EXOC6B: variants seen among roughly 807,000 people sequenced by gnomAD.
EXOC6B encodes exocyst complex component 6B.
Under a neutral mutation model 113.5 loss-of-function variants are expected in EXOC6B, and 54 were observed. That is an observed-to-expected ratio of 0.48 (90% CI 0.38 to 0.60). The LOEUF (loss-of-function observed/expected upper bound fraction) is 0.60, where lower values mean the gene tolerates loss of function less well. EXOC6B is among the 20% of genes least tolerant of loss of function. The pLI is 0.00. For missense variants in EXOC6B, 797 were observed against 977.5 expected (o/e 0.82, Z 2.46); for synonymous variants, 357 against 339.0 (o/e 1.05, Z -0.58).
At chr2:72,768,611 T>A (rs1182561011) in intron 1 of EXOC6B, among the ~76,000 whole-genome samples, 2 of 36,898 alleles carry the variant, frequency 5.4e-5, no homozygotes, top group South Asian at 0.016. Context: ...GGCCTAAGCT[T>A]TTTTTTTTTT....
chr2:72,575,717 G>A (rs905022299), intron 6 of EXOC6B, 49 bp from the exon 7 acceptor site: 5 of 1,403,636 alleles, frequency 3.6e-6, no homozygotes, highest in Non-Finnish European at 4.7e-6. Flanking sequence ...GTGGGGTTAG[G>A]GAGAGAGAAA....
At chr2:72,645,252 T>C (rs1673614729) in intron 6 of EXOC6B, among the ~76,000 whole-genome samples, 1 of 152,168 alleles carries the variant, frequency 6.6e-6, no homozygotes, top group Admixed American at 6.5e-5. Context: ...ATGCTAAATA[T>C]ATATGCACCC....
chr2:72,177,362 T>A lies in EXOC6B; in HGVS notation c.*1973A>T, dbSNP rs1309940983. 2.0e-5 allele frequency: 3 copies of A among 152,244 alleles called. No individual in the cohort carries two copies. The highest frequency in any genetic ancestry group is 4.4e-5 in the Non-Finnish European group (3 of 68,050). 9.4% of individuals were successfully genotyped at this position (152,244 alleles called of 1,614,324 possible). A position where few individuals can be genotyped will look rare whatever the true frequency, so the allele number is the denominator to read the frequency against. On this transcript the variant is annotated 3_prime_UTR_variant, in exon 22 of 22. Coordinates refer to ENST00000272427, the MANE Select transcript of EXOC6B (RefSeq NM_015189.3). The stretch of plus-strand genomic sequence containing the variant: ...CTCTCAGCACTTAAAGCTGAAGAGA[T>A]CTTGCTGCAAACTGGGTACTAGCAA...
intron 6 of EXOC6B, among the ~76,000 whole-genome samples, chr2:72,596,563 T>C (rs1333552019): frequency 6.6e-6 from 1 of 150,918 alleles, no homozygotes; most frequent in African/African-American, 2.4e-5. Context: ...CTTTCTTACA[T>C]AAAGGAAGAA....
At chr2:72,213,268 A>T (rs556366161) in intron 20 of EXOC6B, among the ~76,000 whole-genome samples, 62 of 152,376 alleles carry the variant, frequency 4.1e-4, no homozygotes, top group Admixed American at 1.2e-3. Flanking sequence ...ATGCTAGCTA[A>T]TACCACGTAA....
intron 6 of EXOC6B, among the ~76,000 whole-genome samples, chr2:72,699,250 C>A (rs556728171): frequency 6.6e-6 from 1 of 152,038 alleles, no homozygotes; most frequent in Non-Finnish European, 1.5e-5. Flanking sequence ...GAAGCCAAGG[C>A]GGGTGGATCA....
chr2:72,390,749 C>T (rs983592117), intron 18 of EXOC6B, among the ~76,000 whole-genome samples: 1 of 152,120 alleles, frequency 6.6e-6, no homozygotes, highest in Non-Finnish European at 1.5e-5. Flanking sequence ...TTCAGTGGGG[C>T]CTTCACCTTC....
intron 20 of EXOC6B, among the ~76,000 whole-genome samples, chr2:72,314,846 A>G (rs921752171): frequency 6.6e-6 from 1 of 152,180 alleles, no homozygotes; most frequent in Non-Finnish European, 1.5e-5. Flanking sequence ...TTTTCCTTCA[A>G]CAAATCCTTA....
At position 72,344,505 on chromosome 2, in the gene EXOC6B, C is replaced by T. The variant is rs551391747; in HGVS notation, c.2123-9485G>A. Reference sequence around the variant, plus strand: ...CTTTCCTGTTTCTTTGTATTCCTTGCGATTTTTAATTGAAAACTGGACATT... The same window carrying T: ...CTTTCCTGTTTCTTTGTATTCCTTGTGATTTTTAATTGAAAACTGGACATT... On this transcript the variant is annotated intron_variant, in intron 19 of 21. Transcript: ENST00000272427. 1.6e-4 allele frequency among the ~76,000 whole-genome samples: 25 copies of T among 151,722 alleles called. No homozygotes were observed. The East Asian group carries it at 2.9e-3, about 18-fold the overall frequency.
intron 8 of EXOC6B, among the ~76,000 whole-genome samples, chr2:72,536,680 T>A (rs1702309074): frequency 6.6e-6 from 1 of 152,178 alleles, no homozygotes; most frequent in Non-Finnish European, 1.5e-5. Flanking sequence ...CTCATAAACT[T>A]TTCCTTGTAG....
chr2:72,482,269 A>T (rs570841208), intron 16 of EXOC6B, among the ~76,000 whole-genome samples: 2 of 152,354 alleles, frequency 1.3e-5, no homozygotes, highest in East Asian at 3.9e-4. Flanking sequence ...TCTATTACTT[A>T]TTTCTTAACT....
At chr2:72,400,766 C>A (rs530751478) in intron 18 of EXOC6B, among the ~76,000 whole-genome samples, 1 of 150,212 alleles carries the variant, frequency 6.7e-6, no homozygotes, top group Non-Finnish European at 1.5e-5. Flanking sequence ...GTCAAAATAA[C>A]TATTATTAAA....
At chr2:72,334,516 A>G (rs1688580227) in intron 20 of EXOC6B, among the ~76,000 whole-genome samples, 1 of 152,134 alleles carries the variant, frequency 6.6e-6, no homozygotes, top group Non-Finnish European at 1.5e-5. Context: ...ACAATCCAGA[A>G]TGTAAAATAT....
Position 72,383,189 on chromosome 2 carries a change from C to T in EXOC6B, c.1981-3319G>A, listed in dbSNP as rs567165782. Among the ~76,000 whole-genome samples the T allele has an allele frequency of 4.6e-5, 7 of 152,218 alleles. No homozygotes were observed. In the South Asian group the frequency reaches 1.5e-3, roughly 32 times the overall value. On this transcript the variant is annotated intron_variant, in intron 18 of 21. Transcript: ENST00000272427. Reference sequence around the variant, plus strand: ...GCTTCTGCACAGCAAAATAAACTATCAACAGAGAAAACAGAAAACCTACAG... The same window carrying T: ...GCTTCTGCACAGCAAAATAAACTATTAACAGAGAAAACAGAAAACCTACAG...
intron 7 of EXOC6B, among the ~76,000 whole-genome samples, chr2:72,569,826 T>A (rs1704413709): frequency 6.6e-6 from 1 of 152,308 alleles, no homozygotes; most frequent in African/African-American, 2.4e-5. Context: ...AACCACTATT[T>A]TTTTACAAGC....
At position 72,342,716 on chromosome 2, in the gene EXOC6B, T is replaced by C. The variant is rs191041805; in HGVS notation, c.2123-7696A>G. Among the ~76,000 whole-genome samples, 740 of 152,258 alleles carry C rather than the reference T, an allele frequency of 4.9e-3. 4 individuals carry two copies. Among genetic ancestry groups the C allele is most frequent in the Non-Finnish European group, 5.4e-3 (366 of 68,014 alleles). The stretch of plus-strand genomic sequence containing the variant: ...CAGAATGCTGAGGTGGGAGGACTGC[T>C]TGAGGCCAAGACCAGCCTGGGCAAT... On this transcript the variant is annotated intron_variant, in intron 19 of 21. Coordinates refer to ENST00000272427, the MANE Select transcript of EXOC6B (RefSeq NM_015189.3).
chr2:72,363,687 C>T (rs1316441066), intron 19 of EXOC6B, among the ~76,000 whole-genome samples: 1 of 152,068 alleles, frequency 6.6e-6, no homozygotes, highest in African/African-American at 2.4e-5. Context: ...CAATGAAATA[C>T]AGCCTTTCAT....
intron 19 of EXOC6B, among the ~76,000 whole-genome samples, chr2:72,357,343 T>C (rs956810404): frequency 7.2e-5 from 11 of 152,192 alleles, no homozygotes; most frequent in African/African-American, 2.7e-4. Flanking sequence ...ATGTGTTGTA[T>C]AATGATGTTT....
chr2:72,759,191 T>C (rs1477132697), intron 1 of EXOC6B, among the ~76,000 whole-genome samples: 2 of 152,212 alleles, frequency 1.3e-5, no homozygotes, highest in South Asian at 4.1e-4. Context: ...AACCAATTCA[T>C]ACAGTTGCTG....
Sources: allele counts gnomAD v4.1 joint callset (sites outside exome capture counted in the v4.1 genomes callset), GRCh38; gene constraint gnomAD v4.1.1; transcripts MANE v1.5; gene names NCBI Gene and HGNC (gene_info 2026-07-23, HGNC 2026-07-21).